ACTR3C: variants seen among roughly 807,000 people sequenced by gnomAD.
ACTR3C encodes actin-related protein 3C.
A neutral mutation model predicts 26.3 loss-of-function variants in ACTR3C; 18 were observed. The observed-to-expected ratio is 0.68, with a 90% CI of 0.47 to 1.01. The LOEUF is 1.01. Ranked by LOEUF, ACTR3C falls within the 50% of genes least tolerant of loss-of-function variation. The probability of loss-of-function intolerance (pLI) is 0.00; values close to 1 mark genes in which losing one functional copy is unlikely to be tolerated. For missense variants in ACTR3C, 184 were observed against 250.7 expected, an observed-to-expected ratio of 0.73 and a Z score of 1.80; for synonymous variants, 55 against 94.5, an observed-to-expected ratio of 0.58 and a Z score of 2.42.
At chr7:150,181,208 A>G in the ACTR3C span, among the ~76,000 whole-genome samples, 1 of 151,108 alleles carries the variant, frequency 6.6e-6, no homozygotes. Context: ...TATCCAGCAG[A>G]TAAAATATGT....
chr7:150,019,599 A>AAAAAAAAAT, the ACTR3C span, among the ~76,000 whole-genome samples: 1 of 109,816 alleles, frequency 9.1e-6, no homozygotes, highest in African/African-American at 3.4e-5. Flanking sequence ...TCAAAAATAA[A>AAAAAAAAAT]AATAATAATA....
At chr7:149,983,373 C>T in the ACTR3C span, among the ~76,000 whole-genome samples, 1 of 146,160 alleles carries the variant, frequency 6.8e-6, no homozygotes, top group Non-Finnish European at 1.5e-5. Flanking sequence ...AAAGAGGTAT[C>T]ACCTCACACC....
the ACTR3C span, among the ~76,000 whole-genome samples, chr7:150,147,855 A>T: frequency 4.8e-4 from 37 of 77,370 alleles, no homozygotes; most frequent in Non-Finnish European, 8.3e-4. Flanking sequence ...CTGGATGATT[A>T]AAAAAAAGCA....
chr7:149,940,705 A>T, the ACTR3C span, among the ~76,000 whole-genome samples: 1 of 138,252 alleles, frequency 7.2e-6, no homozygotes, highest in South Asian at 2.6e-4. Context: ...AGATGAGCTC[A>T]CCTCCCCACT....
At chr7:150,262,470 A>G (rs1200732153) in intron 6 of ACTR3C, among the ~76,000 whole-genome samples, 1 of 152,294 alleles carries the variant, frequency 6.6e-6, no homozygotes, top group African/African-American at 2.4e-5. Context: ...ATAAATTTAC[A>G]AACTCTGTTT....
the ACTR3C span, among the ~76,000 whole-genome samples, chr7:150,070,297 G>C: frequency 4.6e-5 from 7 of 152,138 alleles, no homozygotes; most frequent in Admixed American, 1.3e-4. Context: ...CTCACCACCC[G>C]ACAGAAGCCT....
At chr7:150,288,526 A>C (rs1214700347) in intron 4 of ACTR3C, among the ~76,000 whole-genome samples, 1 of 142,254 alleles carries the variant, frequency 7.0e-6, no homozygotes, top group Admixed American at 6.8e-5. Context: ...AGGATTATAG[A>C]TGTGAGCCAC....
At chr7:149,986,043 C>CT in the ACTR3C span, among the ~76,000 whole-genome samples, 13 of 151,890 alleles carry the variant, frequency 8.6e-5, no homozygotes, top group Admixed American at 2.0e-4. Flanking sequence ...GATCCCCAGA[C>CT]CCTGGAAGGT....
chr7:150,264,696 C>T, intron 6 of ACTR3C: 1 of 968,144 alleles, frequency 1.0e-6, no homozygotes, highest in Non-Finnish European at 1.2e-6. Context: ...GTGGATAAGA[C>T]AGCAACGGAC....
the ACTR3C span, among the ~76,000 whole-genome samples, chr7:150,116,717 CAT>C: frequency 2.0e-3 from 310 of 151,406 alleles, 1 homozygote; most frequent in Non-Finnish European, 2.2e-3. Flanking sequence ...ACTTGTGACA[CAT>C]GTGTGTGTGT....
At chr7:150,032,780 C>T in the ACTR3C span, among the ~76,000 whole-genome samples, 1 of 152,096 alleles carries the variant, frequency 6.6e-6, no homozygotes, top group African/African-American at 2.4e-5. Flanking sequence ...TAGTGGTTTG[C>T]TATACAATTT....
chr7:149,977,311 G>A, the ACTR3C span, among the ~76,000 whole-genome samples: 12 of 152,116 alleles, frequency 7.9e-5, no homozygotes, highest in Non-Finnish European at 1.2e-4. Flanking sequence ...ACACCAGCCC[G>A]TGATCCAGGT....
At chr7:150,071,828 G>T in the ACTR3C span, among the ~76,000 whole-genome samples, 4 of 151,228 alleles carry the variant, frequency 2.6e-5, no homozygotes, top group African/African-American at 9.7e-5. Flanking sequence ...AGTGTCAGGG[G>T]TCAGAGGCAT....
the ACTR3C span, among the ~76,000 whole-genome samples, chr7:150,235,044 A>G: frequency 6.6e-6 from 1 of 152,200 alleles, no homozygotes; most frequent in African/African-American, 2.4e-5. Context: ...GGCTTTTGTC[A>G]TATCATAATA....
chr7:150,113,451 T>TC, the ACTR3C span, among the ~76,000 whole-genome samples: 1,229 of 114,940 alleles, frequency 0.011, 17 homozygotes, highest in African/African-American at 0.047. Flanking sequence ...TCTAAGCCTG[T>TC]TAGTTCACAA....
At chr7:150,308,598 A>G (rs1476096556) in intron 1 of ACTR3C, among the ~76,000 whole-genome samples, 1 of 151,746 alleles carries the variant, frequency 6.6e-6, no homozygotes. Flanking sequence ...CCCCAACCTC[A>G]GAGTCTTCTG....
the ACTR3C span, among the ~76,000 whole-genome samples, chr7:150,037,579 G>GTCCTAAGAGCCTGGGGA: frequency 3.0e-5 from 1 of 33,674 alleles, no homozygotes; most frequent in African/African-American, 1.4e-4. Flanking sequence ...GAACCCGGGG[G>GTCCTAAGAGCCTGGGGA]GGAAGAGGGA....
At chr7:150,036,191 A>AT in the ACTR3C span, among the ~76,000 whole-genome samples, 1 of 144,414 alleles carries the variant, frequency 6.9e-6, no homozygotes, top group South Asian at 2.2e-4. Flanking sequence ...CCCAAGAGCC[A>AT]GGGGGGAAGA....
chr7:149,891,311 G>T, the ACTR3C span: 5 of 888,498 alleles, frequency 5.6e-6, no homozygotes, highest in East Asian at 1.4e-4. Context: ...ACTGGAGGAA[G>T]AGACACCAGA....
Sources: allele counts gnomAD v4.1 joint callset (sites outside exome capture counted in the v4.1 genomes callset), GRCh38; gene constraint gnomAD v4.1.1; transcripts MANE v1.5; gene names NCBI Gene and HGNC (gene_info 2026-07-23, HGNC 2026-07-21).